DAPK1: variants seen among roughly 807,000 people sequenced by gnomAD.
The protein encoded by DAPK1 is death-associated protein kinase 1.
A neutral mutation model predicts 144.9 loss-of-function variants in DAPK1; 56 were observed. That is an observed-to-expected ratio of 0.39 (90% CI 0.31 to 0.48). DAPK1 has a LOEUF of 0.48. Among genes scored for constraint, DAPK1 ranks in the 20% least tolerant of loss-of-function variants. The probability of loss-of-function intolerance (pLI) is 0.95; values close to 1 mark genes in which losing one functional copy is unlikely to be tolerated. For synonymous variants in DAPK1, 690 were observed against 749.0 expected (o/e 0.92, Z 1.29); for missense variants, 1,454 against 1,875.4 (o/e 0.78, Z 4.15).
intron 2 of DAPK1, among the ~76,000 whole-genome samples, chr9:87,574,301 G>A (rs1268375307): frequency 6.6e-6 from 1 of 152,162 alleles, no homozygotes; most frequent in East Asian, 1.9e-4. Flanking sequence ...AGCTAAAAAT[G>A]GGTAATTCTA....
At chr9:87,499,357 T>G in intron 2 of DAPK1, 1 of 561,688 alleles carries the variant, frequency 1.8e-6, no homozygotes, top group Non-Finnish European at 3.2e-6. Flanking sequence ...TAGATTATGA[T>G]GCACAGTATA....
At chr9:87,632,458 A>G (rs1829731265) in intron 3 of DAPK1, 1 of 980,744 alleles carries the variant, frequency 1.0e-6, no homozygotes, top group Non-Finnish European at 1.2e-6. Context: ...GAGGATGAGT[A>G]TATATATAGG....
chr9:87,531,038 G>T (rs1825679815), intron 2 of DAPK1, among the ~76,000 whole-genome samples: 1 of 152,206 alleles, frequency 6.6e-6, no homozygotes, highest in Admixed American at 6.5e-5. Flanking sequence ...TAGTCAAGTG[G>T]AAGCATGGAT....
chr9:87,605,314 T>G (rs970885489), intron 3 of DAPK1, 139 bp downstream of exon 3: 50 of 682,898 alleles, frequency 7.3e-5, no homozygotes, highest in Non-Finnish European at 1.5e-5. Context: ...GTGAGAACAA[T>G]GCCGTGCTGC....
At position 87,546,479 on chromosome 9, in the gene DAPK1, T is replaced by A. The variant is rs36231470; in HGVS notation, c.62+47340T>A. ...GCCCATAGGAGGTAGGGGTGGGTGG[T>A]CTGAGCTCTGAATTGGTTGGGTCTG... On this transcript the variant is annotated intron_variant, in intron 2 of 25. Coordinates refer to ENST00000408954, the MANE Select transcript of DAPK1 (RefSeq NM_004938.4). Among the ~76,000 whole-genome samples the A allele has an allele frequency of 3.2e-3, 485 of 152,136 alleles. 2 individuals are homozygous for A. Among genetic ancestry groups the A allele is most frequent in the African/African-American group, 0.011 (450 of 41,504 alleles).
rs35772976 is a variant in DAPK1, at chr9:87,646,428, G to GA, written c.1132-29dup. 3 of 1,534,202 alleles carry GA rather than the reference G, an allele frequency of 2.0e-6. No individual in the cohort carries two copies. In the Admixed American group the frequency reaches 5.1e-5, roughly 26 times the overall value. ...GGGCTTTTCCTTTCCTACCAAACCTGAAAATTAGTAATTTTTTTCTTGCCT... is the reference window on the plus strand; with the variant it reads ...GGGCTTTTCCTTTCCTACCAAACCTGAAAAATTAGTAATTTTTTTCTTGCCT... On this transcript the variant is annotated intron_variant, in intron 12 of 25. Transcript: ENST00000408954.
intron 2 of DAPK1, among the ~76,000 whole-genome samples, chr9:87,587,732 A>C (rs1294120278): frequency 3.9e-5 from 6 of 152,240 alleles, no homozygotes; most frequent in African/African-American, 1.2e-4. Flanking sequence ...CCACATGCCG[A>C]GGTGTCCCTA....
At chr9:87,623,220 C>T (rs1174227422) in intron 3 of DAPK1, among the ~76,000 whole-genome samples, 2 of 152,216 alleles carry the variant, frequency 1.3e-5, no homozygotes, top group African/African-American at 4.8e-5. Flanking sequence ...TTTCTTTTCA[C>T]CAATCCAGCA....
chr9:87,547,016 G>C (rs898568570), intron 2 of DAPK1, among the ~76,000 whole-genome samples: 1 of 152,168 alleles, frequency 6.6e-6, no homozygotes, highest in Non-Finnish European at 1.5e-5. Context: ...AATTAGCCGG[G>C]TGTGTTGGCA....
At chr9:87,548,718 A>G (rs1225385989) in intron 2 of DAPK1, among the ~76,000 whole-genome samples, 1 of 152,144 alleles carries the variant, frequency 6.6e-6, no homozygotes, top group Non-Finnish European at 1.5e-5. Context: ...GGAACACAGT[A>G]CTGATGTTGC....
At chr9:87,555,521 G>A (rs1464487434) in intron 2 of DAPK1, among the ~76,000 whole-genome samples, 1 of 136,180 alleles carries the variant, frequency 7.3e-6, no homozygotes, top group African/African-American at 2.7e-5. Flanking sequence ...TTTTTTTTTT[G>A]AGATGGAGTT....
chr9:87,533,278 A>G (rs1825754306), intron 2 of DAPK1, among the ~76,000 whole-genome samples: 1 of 152,250 alleles, frequency 6.6e-6, no homozygotes, highest in South Asian at 2.1e-4. Flanking sequence ...GGAGAACTAC[A>G]TTTACCAGTG....
At chr9:87,559,567 G>A (rs1826834501) in intron 2 of DAPK1, among the ~76,000 whole-genome samples, 1 of 152,102 alleles carries the variant, frequency 6.6e-6, no homozygotes, top group Non-Finnish European at 1.5e-5. Flanking sequence ...TGCAGCTGAG[G>A]GCCCTCCCAG....
At chr9:87,683,419 G>A (rs914586969) in intron 20 of DAPK1, among the ~76,000 whole-genome samples, 11 of 152,122 alleles carry the variant, frequency 7.2e-5, no homozygotes, top group Non-Finnish European at 4.4e-5. Flanking sequence ...ATTTAAGTGG[G>A]GTTCAGTTGC....
At chr9:87,633,770 T>C (rs527701181) in intron 3 of DAPK1, among the ~76,000 whole-genome samples, 85 of 152,304 alleles carry the variant, frequency 5.6e-4, no homozygotes, top group African/African-American at 1.9e-3. Flanking sequence ...CAAGCCCAGT[T>C]CAAGATGGTG....
intron 21 of DAPK1, among the ~76,000 whole-genome samples, chr9:87,696,501 G>A (rs1825265143): frequency 6.6e-6 from 1 of 152,158 alleles, no homozygotes; most frequent in Admixed American, 6.5e-5. Flanking sequence ...TTAGCTCATG[G>A]CTCTGCAGAC....
intron 2 of DAPK1, among the ~76,000 whole-genome samples, chr9:87,587,686 C>T (rs1827983907): frequency 6.6e-6 from 1 of 152,198 alleles, no homozygotes. Context: ...ATTTCATAAG[C>T]GTAATCAGTT....
intron 19 of DAPK1, among the ~76,000 whole-genome samples, chr9:87,670,949 A>T (rs1260410118): frequency 6.6e-6 from 1 of 152,058 alleles, no homozygotes; most frequent in Non-Finnish European, 1.5e-5. Flanking sequence ...CCCTTCTTTG[A>T]CTTAAAAGTA....
chr9:87,672,678 G>A (rs1347691002), intron 19 of DAPK1, among the ~76,000 whole-genome samples: 1 of 152,212 alleles, frequency 6.6e-6, no homozygotes, highest in East Asian at 1.9e-4. Flanking sequence ...CATAATGGGA[G>A]GAGTTGTCTG....
Sources: gnomAD v4.1 joint callset for allele counts (sites outside exome capture counted in the v4.1 genomes callset) on GRCh38, gnomAD v4.1.1 for gene constraint, MANE v1.5 for transcripts, NCBI Gene and HGNC (gene_info 2026-07-23, HGNC 2026-07-21) for gene names.